The following NEGR1 variants were observed in gnomAD, a reference collection of about 807,000 sequenced individuals.
NEGR1 encodes neuronal growth regulator 1, also known as IgLON family member 4.
A neutral mutation model predicts 40.9 loss-of-function variants in NEGR1; 10 were observed. The observed-to-expected ratio is 0.24, with a 90% CI of 0.15 to 0.42. The LOEUF is 0.42. Ranked by LOEUF, NEGR1 falls within the 10% of genes least tolerant of loss-of-function variation. The pLI, the probability that NEGR1 is intolerant of heterozygous loss-of-function variation, is 1.00. For synonymous variants in NEGR1, 185 were observed against 166.8 expected (o/e 1.11, Z -0.84); for missense variants, 352 against 438.9 (o/e 0.80, Z 1.77).
At chr1:71,814,994 C>T (rs1322755401) in intron 2 of NEGR1, among the ~76,000 whole-genome samples, 1 of 151,862 alleles carries the variant, frequency 6.6e-6, no homozygotes, top group African/African-American at 2.4e-5. Context: ...TTAGTTGTAA[C>T]ATCAGGGTGT....
intron 5 of NEGR1, among the ~76,000 whole-genome samples, chr1:71,599,936 T>A (rs1649860667): frequency 6.6e-6 from 1 of 152,144 alleles, no homozygotes; most frequent in African/African-American, 2.4e-5. Context: ...TATGACTGGA[T>A]TTCTCCCCAC....
In NEGR1 at chr1:71,772,508, C is replaced by T. The variant is rs544314384; in HGVS notation, c.535+3664G>A. 1.3e-5 allele frequency among the ~76,000 whole-genome samples: 2 copies of T among 151,992 alleles called. 1 individual carries two copies. Among genetic ancestry groups the T allele is most frequent in the Admixed American group, 1.3e-4 (2 of 15,248 alleles). ...ATTAGAGGAGCCTAAACTGTTATGTCAAATACATGCAATACAGAGTTCTGG... is the reference window on the plus strand; with the variant it reads ...ATTAGAGGAGCCTAAACTGTTATGTTAAATACATGCAATACAGAGTTCTGG... On this transcript the variant is annotated intron_variant, in intron 3 of 6. Transcript: ENST00000357731.
intron 6 of NEGR1, among the ~76,000 whole-genome samples, chr1:71,557,533 AT>A (rs1648291806): frequency 6.6e-6 from 1 of 151,568 alleles, no homozygotes; most frequent in Non-Finnish European, 1.5e-5. Context: ...ATTGGACTAA[AT>A]TAATCTGCTC....
intron 1 of NEGR1, among the ~76,000 whole-genome samples, chr1:72,171,793 T>C (rs1007569959): frequency 6.6e-6 from 1 of 152,188 alleles, no homozygotes; most frequent in Non-Finnish European, 1.5e-5. Flanking sequence ...TATTGAAACA[T>C]TATTGTTTTG....
At chr1:71,574,427 G>T (rs186121770) in intron 6 of NEGR1, among the ~76,000 whole-genome samples, 1 of 152,224 alleles carries the variant, frequency 6.6e-6, no homozygotes, top group African/African-American at 2.4e-5. Context: ...GATTTCTACA[G>T]TCTTTTTTAG....
At chr1:72,184,189 T>C (rs113965378) in intron 1 of NEGR1, among the ~76,000 whole-genome samples, 3 of 152,202 alleles carry the variant, frequency 2.0e-5, no homozygotes, top group African/African-American at 7.2e-5. Context: ...GAGTTTTATA[T>C]GCCATATGCA....
At chr1:71,465,624 C>G (rs1466332809) in intron 6 of NEGR1, among the ~76,000 whole-genome samples, 1 of 151,982 alleles carries the variant, frequency 6.6e-6, no homozygotes, top group African/African-American at 2.4e-5. Flanking sequence ...GTATAATAGA[C>G]CTTTTTCACT....
intron 1 of NEGR1, among the ~76,000 whole-genome samples, chr1:72,125,551 A>G (rs961190546): frequency 1.3e-5 from 2 of 152,120 alleles, no homozygotes; most frequent in African/African-American, 4.8e-5. Context: ...ATGAAATGTC[A>G]GCTTTAAAAT....
chr1:71,464,083 G>A (rs1175650559), intron 6 of NEGR1, among the ~76,000 whole-genome samples: 1 of 152,014 alleles, frequency 6.6e-6, no homozygotes, highest in Non-Finnish European at 1.5e-5. Flanking sequence ...ATCTGCAAAG[G>A]CTCCATGTAG....
chr1:71,539,829 A>T (rs896487298), intron 6 of NEGR1, among the ~76,000 whole-genome samples: 1 of 151,754 alleles, frequency 6.6e-6, no homozygotes, highest in Non-Finnish European at 1.5e-5. Context: ...GTTTGTAGTA[A>T]AAAAGAAGTA....
intron 2 of NEGR1, among the ~76,000 whole-genome samples, chr1:71,848,458 T>C (rs779033283): frequency 6.6e-6 from 1 of 152,138 alleles, no homozygotes; most frequent in African/African-American, 2.4e-5. Flanking sequence ...TTAAAGCCAA[T>C]GCTCATTTAC....
At chr1:71,450,486 T>C (rs1235012272) in intron 6 of NEGR1, among the ~76,000 whole-genome samples, 2 of 152,154 alleles carry the variant, frequency 1.3e-5, no homozygotes. Flanking sequence ...TTAATGTTAA[T>C]AGTGGTTATC....
At chr1:71,977,394 G>A (rs531119016) in intron 1 of NEGR1, among the ~76,000 whole-genome samples, 1 of 152,034 alleles carries the variant, frequency 6.6e-6, no homozygotes, top group Non-Finnish European at 1.5e-5. Context: ...GTGCCTGCTT[G>A]TCCTTGGATT....
At chr1:71,610,985 T>A in intron 5 of NEGR1, 41 bp downstream of exon 5, 1 of 1,590,818 alleles carries the variant, frequency 6.3e-7, no homozygotes, top group Non-Finnish European at 8.6e-7. Flanking sequence ...GCACGTTAGC[T>A]CAAAGTGCTT....
chr1:71,612,953 A>C (rs367798066), intron 4 of NEGR1, among the ~76,000 whole-genome samples: 2 of 152,204 alleles, frequency 1.3e-5, no homozygotes, highest in African/African-American at 2.4e-5. Flanking sequence ...AGGATGGAAG[A>C]CTGGGTAGGA....
intron 2 of NEGR1, among the ~76,000 whole-genome samples, chr1:71,924,549 A>G (rs944403191): frequency 1.3e-5 from 2 of 152,184 alleles, no homozygotes; most frequent in African/African-American, 4.8e-5. Context: ...CATTTGTTCA[A>G]GTCAAAACCT....
intron 3 of NEGR1, among the ~76,000 whole-genome samples, chr1:71,713,127 A>T (rs1181762268): frequency 6.6e-6 from 1 of 152,228 alleles, no homozygotes; most frequent in Non-Finnish European, 1.5e-5. Flanking sequence ...ATTTTCTTTA[A>T]CAACTGTTCC....
intron 3 of NEGR1, among the ~76,000 whole-genome samples, chr1:71,744,130 T>C (rs950822236): frequency 1.2e-4 from 18 of 151,990 alleles, no homozygotes; most frequent in African/African-American, 3.9e-4. Context: ...TGACCTTATT[T>C]AGTATTATTT....
intron 4 of NEGR1, among the ~76,000 whole-genome samples, chr1:71,618,457 C>T (rs1650511501): frequency 6.6e-6 from 1 of 152,078 alleles, no homozygotes; most frequent in African/African-American, 2.4e-5. Flanking sequence ...TTCCAACATC[C>T]TGTCTTTGTG....
Sources: gnomAD v4.1 joint callset for allele counts (sites outside exome capture counted in the v4.1 genomes callset) on GRCh38, gnomAD v4.1.1 for gene constraint, MANE v1.5 for transcripts, NCBI Gene and HGNC (gene_info 2026-07-23, HGNC 2026-07-21) for gene names.